The following RPAP1 variants were observed in gnomAD, a reference collection of about 807,000 sequenced individuals.
RPAP1 encodes RNA polymerase II associated protein 1.
RPAP1 carries 109 observed loss-of-function variants against 142.4 expected under a neutral mutation model. That is an observed-to-expected ratio of 0.77 (90% CI 0.66 to 0.90). The LOEUF (loss-of-function observed/expected upper bound fraction) is 0.90. Among genes scored for constraint, RPAP1 ranks in the 40% least tolerant of loss-of-function variants. The pLI, the probability that RPAP1 is intolerant of heterozygous loss-of-function variation, is 0.00. For missense variants in RPAP1, 1,546 were observed against 1,751.7 expected, an observed-to-expected ratio of 0.88 and a Z score of 2.10; for synonymous variants, 704 against 738.9, an observed-to-expected ratio of 0.95 and a Z score of 0.77.
chr15:41,528,144 T>A, intron 10 of RPAP1, 91 bp downstream of exon 10: 1 of 1,499,268 alleles, frequency 6.7e-7, no homozygotes, highest in Non-Finnish European at 9.1e-7. Context: ...AGCTGGCTAG[T>A]GAGCCAGAGT....
At chr15:41,524,010 G>A in intron 16 of RPAP1, 38 bp from the exon 17 acceptor site, 1 of 1,611,890 alleles carries the variant, frequency 6.2e-7, no homozygotes, top group African/African-American at 1.3e-5. Flanking sequence ...TGAGGATCTG[G>A]CTGCCTCACG....
intron 13 of RPAP1, 28 bp downstream of exon 13, chr15:41,527,139 G>A: frequency 6.2e-7 from 1 of 1,613,682 alleles, no homozygotes; most frequent in Non-Finnish European, 8.5e-7. Flanking sequence ...TAGGCTTTTT[G>A]CCCATTCCCT....
rs1236352200 is a variant in RPAP1 at position 41,524,088 on chromosome 15, TA to T, written c.2234+7del. ...CCACCTGTCCTGTGGGTCCTGGCTA[TA>T]AACTACCTGATGGTTTCAGCAGGGG... On this transcript the variant is annotated splice_region_variant and intron_variant, in intron 16 of 24. Transcript: ENST00000304330. 6.3e-7 allele frequency: 1 copy of T among 1,589,868 alleles called. No individual in the cohort carries two copies. Among genetic ancestry groups the T allele is most frequent in the Non-Finnish European group, 8.6e-7 (1 of 1,165,244 alleles).
At chr15:41,522,311 C>T (rs1044789432) in intron 19 of RPAP1, 61 bp from the exon 20 acceptor site, 3 of 1,512,210 alleles carry the variant, frequency 2.0e-6, no homozygotes, top group Non-Finnish European at 2.7e-6. Flanking sequence ...TAGGGCTCCC[C>T]AGGTGGCTGC....
intron 14 of RPAP1, 101 bp downstream of exon 14, chr15:41,526,797 G>T: frequency 8.5e-7 from 1 of 1,176,270 alleles, no homozygotes; most frequent in Non-Finnish European, 1.2e-6. Flanking sequence ...AGAGGAAGAA[G>T]ATGGCAAGAG....
At position 41,522,787 on chromosome 15, in the gene RPAP1, A is replaced by G; in HGVS notation, c.2720T>C (p.Ile907Thr). ...TACCTGGCCACACAGCCCCTTGTGG[A>G]TCTGGGCCAGGGTATTAAGAAGAGA... is the stretch of plus-strand genomic sequence containing the variant. ...LLSLLNTLAQ[I>T]HKGLCGQLAA... The change falls in exon 19 of 25, where the codon ATC becomes ACC. Residue 907 changes from isoleucine to threonine, a missense_variant. Ile to Thr is a moderately conservative substitution (Grantham distance 89). This residue lies in a region of RPAP1 where 1,333 missense variants were observed against 1,486.6 expected (regional missense o/e 0.90). Transcript: ENST00000304330. 1 of 1,531,714 alleles carries G rather than the reference A, an allele frequency of 6.5e-7. No homozygotes were observed. Among genetic ancestry groups the G allele is most frequent in the Non-Finnish European group, 8.7e-7 (1 of 1,143,922 alleles). 94.9% of individuals were successfully genotyped at this position (1,531,714 alleles called of 1,614,324 possible).
chr15:41,529,825 A>C lies in RPAP1; in HGVS notation c.1059+39T>G, dbSNP rs919452740. 18 of 1,466,264 alleles carry C rather than the reference A, an allele frequency of 1.2e-5. No homozygotes were observed. In the Admixed American group the frequency reaches 2.8e-4, roughly 23 times the overall value. The allele number at this position is 1,466,264 out of a possible 1,614,324, so 90.8% of individuals were successfully genotyped here. A position where few individuals can be genotyped will look rare whatever the true frequency, so the allele number is the denominator to read the frequency against. ...AGAGCAGCAGCTCCTCTCCTGCCCT[A>C]TCTCACCCACCCCTTGTAGGCCAGG... On this transcript the variant is annotated intron_variant, in intron 8 of 24. Transcript: ENST00000304330.
chr15:41,519,866 A>C, intron 22 of RPAP1: 1 of 162,036 alleles, frequency 6.2e-6, no homozygotes, highest in Admixed American at 5.6e-5. Flanking sequence ...TGTAGCACTG[A>C]TAAGCAAGGA....
In RPAP1 at chr15:41,520,848, G is replaced by C; in HGVS notation, c.3338C>G (p.Ala1113Gly). ...FLPLIRLYHRASDTPSGLSPT... is the reference protein window; with the variant it reads ...FLPLIRLYHRGSDTPSGLSPT... ...AGAGAGTCCCGAGGGGGTGTCTGAAGCCCGGTGGTAGAGGCGAATCAGTGG... is the reference window on the plus strand; with the variant it reads ...AGAGAGTCCCGAGGGGGTGTCTGAACCCCGGTGGTAGAGGCGAATCAGTGG... The change falls in exon 22 of 25, where the codon GCT (alanine) becomes GGT (glycine). Residue 1113 changes from alanine to glycine, a missense_variant. Ala to Gly is a moderately conservative substitution (Grantham distance 60). This residue lies in a region of RPAP1 where 1,333 missense variants were observed against 1,486.6 expected (regional missense o/e 0.90). Coordinates refer to ENST00000304330, the MANE Select transcript of RPAP1 (RefSeq NM_015540.4). 6.2e-7 allele frequency: 1 copy of C among 1,613,908 alleles called. No individual in the cohort carries two copies. The highest frequency in any genetic ancestry group is 8.5e-7 in the Non-Finnish European group (1 of 1,180,032).
chr15:41,520,558 G>A lies in RPAP1; in HGVS notation c.3628C>T (p.Leu1210Phe), dbSNP rs755697415. ...RLPGLTSFPD[L>F]YANFLDHFEA... ...AAATGATCCAGGAAGTTGGCATAGA[G>A]GTCAGGGAAAGACGTCAGGCCAGGG... Residue 1210 changes from leucine to phenylalanine, a missense_variant, in exon 22 of 25, where the codon CTC becomes TTC. Leu to Phe is a conservative substitution (Grantham distance 22, BLOSUM62 0). Coordinates refer to ENST00000304330, the MANE Select transcript of RPAP1 (RefSeq NM_015540.4). 5.0e-6 allele frequency: 8 copies of A among 1,614,248 alleles called. No individual in the cohort carries two copies. The Admixed American group carries it at 8.3e-5, about 17-fold the overall frequency.
chr15:41,535,483 A>G (rs757745344), intron 5 of RPAP1, 29 bp downstream of exon 5: 14 of 1,575,900 alleles, frequency 8.9e-6, no homozygotes, highest in African/African-American at 4.1e-5. Context: ...TAAAAAGGCC[A>G]AGCCCAATCC....
At chr15:41,533,105 C>G (rs1019635160) in intron 6 of RPAP1, among the ~76,000 whole-genome samples, 2 of 150,764 alleles carry the variant, frequency 1.3e-5, no homozygotes, top group Admixed American at 1.3e-4. Flanking sequence ...TTTTAGGCCT[C>G]AGTTTCTTTC....
intron 19 of RPAP1, 74 bp from the exon 20 acceptor site, chr15:41,522,324 C>T: frequency 7.0e-7 from 1 of 1,419,688 alleles, no homozygotes; most frequent in East Asian, 2.5e-5. Context: ...GTGGCTGCCC[C>T]TCTCCAGACT....
chr15:41,538,173 G>A (rs1315166664), intron 1 of RPAP1, among the ~76,000 whole-genome samples: 2 of 152,252 alleles, frequency 1.3e-5, no homozygotes, highest in East Asian at 1.9e-4. Context: ...AACCCGGGAG[G>A]CGGAGCTTGC....
chr15:41,535,611 T>C lies in RPAP1; in HGVS notation c.442A>G (p.Lys148Glu). 1 of 1,613,762 alleles carries C rather than the reference T, an allele frequency of 6.2e-7. No homozygotes were observed. The highest frequency in any genetic ancestry group is 8.5e-7 in the Non-Finnish European group (1 of 1,179,902). The change falls in exon 5 of 25, where the codon AAG becomes GAG. Residue 148 changes from lysine to glutamate, a missense_variant. Coordinates refer to ENST00000304330, the MANE Select transcript of RPAP1 (RefSeq NM_015540.4). ...DTQGKSATSG[K>E]RSIFAQEIAA... ...ATTTCCTGGGCAAAGATGCTTCTCT[T>C]ACCAGATGTTGCTGATTTCCCCTGT... is the stretch of plus-strand genomic sequence containing the variant.
In RPAP1 at chr15:41,534,946, G is replaced by A. The variant is rs369425886; in HGVS notation, c.542-11C>T. 1 of 1,613,026 alleles carries A rather than the reference G, an allele frequency of 6.2e-7. No homozygotes were observed. Among genetic ancestry groups the A allele is most frequent in the African/African-American group, 1.3e-5 (1 of 75,034 alleles). On this transcript the variant is annotated splice_polypyrimidine_tract_variant and intron_variant, in intron 5 of 24. Coordinates refer to ENST00000304330, the MANE Select transcript of RPAP1 (RefSeq NM_015540.4). The stretch of plus-strand genomic sequence containing the variant: ...CACAGGTCACGGCACCTGGAAGAAA[G>A]GTATGATCACATTCATTGCTCTGTC...
At chr15:41,541,290 G>A (rs775567380) in intron 1 of RPAP1, among the ~76,000 whole-genome samples, 4 of 152,072 alleles carry the variant, frequency 2.6e-5, no homozygotes, top group Non-Finnish European at 4.4e-5. Flanking sequence ...AGGCGTGGTG[G>A]CATGTGCCTG....
intron 9 of RPAP1, among the ~76,000 whole-genome samples, chr15:41,529,146 C>T (rs1001941866): frequency 1.2e-4 from 19 of 152,112 alleles, no homozygotes; most frequent in Non-Finnish European, 1.8e-4. Flanking sequence ...ACCATCCTGG[C>T]TAACATGGTG....
At chr15:41,532,022 ATTTT>A (rs1279380657) in intron 6 of RPAP1, among the ~76,000 whole-genome samples, 1 of 124,454 alleles carries the variant, frequency 8.0e-6, no homozygotes, top group African/African-American at 2.9e-5. Flanking sequence ...TATCTGGCTA[ATTTT>A]TTTTTTTTTT....
Sources: gnomAD v4.1 joint callset for allele counts (sites outside exome capture counted in the v4.1 genomes callset) on GRCh38, gnomAD v4.1.1 for gene constraint, gnomAD v4.1.1 regional missense constraint, MANE v1.5 for transcripts, NCBI Gene and HGNC (gene_info 2026-07-23, HGNC 2026-07-21) for gene names.